Variants in XRN1 observed in about 807,000 individuals in gnomAD.
XRN1 encodes strand-exchange protein 1 homolog.
Under a neutral mutation model 222.3 loss-of-function variants are expected in XRN1, and 67 were observed. That is an observed-to-expected ratio of 0.30 (90% CI 0.25 to 0.37). The LOEUF is 0.37. XRN1 is among the 10% of genes least tolerant of loss of function. The pLI, the probability that XRN1 is intolerant of heterozygous loss-of-function variation, is 1.00. For synonymous variants in XRN1, 643 were observed against 652.4 expected, an observed-to-expected ratio of 0.99 and a Z score of 0.22; for missense variants, 1,707 against 2,000.2, an observed-to-expected ratio of 0.85 and a Z score of 2.80.
At chr3:142,439,515 C>T (rs1308407730) in intron 1 of XRN1, among the ~76,000 whole-genome samples, 1 of 152,194 alleles carries the variant, frequency 6.6e-6, no homozygotes, top group East Asian at 1.9e-4. Context: ...AATCCTACTG[C>T]CTTTCTGGAT....
In XRN1 at chr3:142,375,897, T is replaced by G. The variant is rs2067126722; in HGVS notation, c.2879A>C (p.Asn960Thr). Residue 960 changes from asparagine to threonine, a missense_variant, in exon 25 of 41, where the codon AAC (asparagine) becomes ACC (threonine). This residue lies in a region of XRN1 where 1,234 missense variants were observed against 1,518.2 expected (regional missense o/e 0.81). Coordinates refer to ENST00000392981, the MANE Select transcript of XRN1 (RefSeq NM_001282857.2). ...KANVGLNLKFNKKNEEVPGYT... is the reference protein window; with the variant it reads ...KANVGLNLKFTKKNEEVPGYT... ...TCCAGGTACCTCCTCATTTTTCTTG[T>G]TGAATTTGAGATTTAAACCCACATT... The G allele has an allele frequency of 1.2e-6, 2 of 1,613,804 alleles. No individual in the cohort carries two copies. The highest frequency in any genetic ancestry group is 8.5e-7 in the Non-Finnish European group (1 of 1,179,952).
intron 33 of XRN1, among the ~76,000 whole-genome samples, chr3:142,339,260 A>G (rs1457456897): frequency 3.3e-5 from 5 of 152,162 alleles, no homozygotes; most frequent in African/African-American, 9.7e-5. Flanking sequence ...TTTGGGAGAA[A>G]GTAAAGGAAG....
intron 12 of XRN1, among the ~76,000 whole-genome samples, chr3:142,417,519 G>T (rs2068831874): frequency 6.6e-6 from 1 of 152,160 alleles, no homozygotes. Context: ...TTTACCCAAT[G>T]AAGCTTTCCA....
chr3:142,439,706 A>G (rs1257224304), intron 1 of XRN1, among the ~76,000 whole-genome samples: 2 of 151,990 alleles, frequency 1.3e-5, no homozygotes, highest in Non-Finnish European at 2.9e-5. Flanking sequence ...TTGTTTTTTT[A>G]TAATAGAGAT....
In XRN1 at chr3:142,423,592, T is replaced by TTC. The variant is rs1276489066; in HGVS notation, c.676_677dup (p.Glu227LysfsTer28). The TTC allele has an allele frequency of 6.2e-7, 1 of 1,601,828 alleles. No homozygotes were observed. Among genetic ancestry groups the TTC allele is most frequent in the African/African-American group, 1.3e-5 (1 of 74,314 alleles). On this transcript the variant is annotated frameshift_variant, in exon 6 of 41. Coordinates refer to ENST00000392981, the MANE Select transcript of XRN1 (RefSeq NM_001282857.2). LOFTEE classifies it high-confidence loss of function. ...TTTTTTTGCCACCAAATCGAACTTC[T>TTC]TCTCTTAAGAGAGAAAAATGTGCCT...
chr3:142,369,591 T>C (rs774201225), intron 27 of XRN1, among the ~76,000 whole-genome samples: 2 of 148,798 alleles, frequency 1.3e-5, no homozygotes, highest in Non-Finnish European at 3.0e-5. Flanking sequence ...GAGGTTGCAG[T>C]GAGCCGAGAT....
chr3:142,440,742 T>C (rs1249772298), intron 1 of XRN1, among the ~76,000 whole-genome samples: 2 of 152,118 alleles, frequency 1.3e-5, no homozygotes, highest in African/African-American at 4.8e-5. Flanking sequence ...TACTCTGCTT[T>C]CCCAAATACC....
chr3:142,335,022 G>C (rs943677870), intron 34 of XRN1, among the ~76,000 whole-genome samples: 1 of 151,488 alleles, frequency 6.6e-6, no homozygotes, highest in Admixed American at 6.6e-5. Flanking sequence ...TGTATTTTTA[G>C]TAGAGACGGG....
chr3:142,406,427 T>C (rs1460502609), intron 15 of XRN1, among the ~76,000 whole-genome samples: 4 of 152,244 alleles, frequency 2.6e-5, no homozygotes, highest in Non-Finnish European at 5.9e-5. Flanking sequence ...CAAAAGCTTC[T>C]TGACACTGCT....
intron 37 of XRN1, among the ~76,000 whole-genome samples, chr3:142,322,974 G>C (rs367744554): frequency 1.6e-4 from 24 of 152,140 alleles, no homozygotes; most frequent in African/African-American, 5.3e-4. Flanking sequence ...CTGCACTCCA[G>C]CCTGGGTGAC....
intron 32 of XRN1, among the ~76,000 whole-genome samples, chr3:142,349,486 T>C (rs1170378454): frequency 6.6e-6 from 1 of 151,958 alleles, no homozygotes; most frequent in Admixed American, 6.6e-5. Flanking sequence ...ACTAACTAAA[T>C]AGTAAAATAA....
intron 33 of XRN1, among the ~76,000 whole-genome samples, chr3:142,346,706 C>T (rs1314776322): frequency 1.3e-5 from 2 of 152,156 alleles, no homozygotes; most frequent in Non-Finnish European, 2.9e-5. Context: ...GTCTTGAACT[C>T]CTGGGCTCAA....
intron 23 of XRN1, 42 bp from the exon 24 acceptor site, chr3:142,376,636 G>A: frequency 2.9e-6 from 4 of 1,364,196 alleles, no homozygotes; most frequent in South Asian, 2.5e-5. Flanking sequence ...GGAAACACAA[G>A]TTTACATTAA....
At position 142,390,588 on chromosome 3, in the gene XRN1, A is replaced by G. The variant is rs564380547; in HGVS notation, c.2340-5903T>C. Among the ~76,000 whole-genome samples, 32 of 152,216 alleles carry G rather than the reference A, an allele frequency of 2.1e-4. 1 individual carries two copies. The highest frequency in any genetic ancestry group is 4.0e-4 in the Non-Finnish European group (27 of 68,018). ...GTGGATTAACCTTTGGCTTAAGGGA[A>G]TGCTGTGACTAGTGTCATCTTCTAT... is the stretch of plus-strand genomic sequence containing the variant. On this transcript the variant is annotated intron_variant, in intron 20 of 40. Coordinates refer to ENST00000392981, the MANE Select transcript of XRN1 (RefSeq NM_001282857.2).
chr3:142,401,648 A>G (rs965466170), intron 18 of XRN1, among the ~76,000 whole-genome samples: 4 of 152,248 alleles, frequency 2.6e-5, no homozygotes, highest in African/African-American at 9.6e-5. Context: ...TGGGCAGCAG[A>G]GGATGCAGTG....
Position 142,383,308 on chromosome 3 carries a change from T to C in XRN1, c.2608A>G (p.Thr870Ala). 2.5e-6 allele frequency: 4 copies of C among 1,611,594 alleles called. No individual in the cohort carries two copies. The highest frequency in any genetic ancestry group is 3.4e-6 in the Non-Finnish European group (4 of 1,178,690). ...FMLGTPYYGC[T>A]GEVQDSGDVI... is the part of the protein sequence containing the mutation. ...CAATAATGGAAACTAACTTCTCCAG[T>C]GCAGCCATAATAGGGAGTTCCCAGC... Residue 870 changes from threonine (T) to alanine (A), a missense_variant, in exon 22 of 41, where the codon ACT becomes GCT. Physicochemically the swap from Thr to Ala is moderately conservative, Grantham distance 58. Transcript: ENST00000392981.
At chr3:142,344,603 CAG>C (rs150975713) in intron 33 of XRN1, among the ~76,000 whole-genome samples, 5,674 of 151,734 alleles carry the variant, frequency 0.037, 359 homozygotes, top group African/African-American at 0.13. Context: ...ATATCTATAA[CAG>C]AAATGAACAA....
intron 29 of XRN1, among the ~76,000 whole-genome samples, chr3:142,364,715 C>G (rs1457831615): frequency 6.6e-6 from 1 of 152,034 alleles, no homozygotes. Flanking sequence ...CAATGAAACT[C>G]AGGAGAAGCA....
At chr3:142,375,997 C>T (rs2067132671) in intron 24 of XRN1, 53 bp from the exon 25 acceptor site, 6 of 1,516,932 alleles carry the variant, frequency 4.0e-6, no homozygotes, top group Non-Finnish European at 5.3e-6. Flanking sequence ...CACACACACA[C>T]ACACGAGTTT....
Sources: gnomAD v4.1 joint callset for allele counts (sites outside exome capture counted in the v4.1 genomes callset) on GRCh38, gnomAD v4.1.1 for gene constraint, gnomAD v4.1.1 regional missense constraint, MANE v1.5 for transcripts, NCBI Gene and HGNC (gene_info 2026-07-23, HGNC 2026-07-21) for gene names.